The following PXT1 variants were observed in gnomAD, a reference collection of about 807,000 sequenced individuals.
PXT1 encodes peroxisomal testis enriched protein 1.
Under a neutral mutation model 11.0 loss-of-function variants are expected in PXT1, and 11 were observed. The ratio of observed to expected loss-of-function variants is 1.00; its 90% confidence interval spans 0.63 to 1.66. PXT1 has a LOEUF of 1.66. PXT1 is among the 40% of genes most tolerant of loss of function. The pLI is 0.00. For synonymous variants in PXT1, 43 were observed against 51.4 expected, an observed-to-expected ratio of 0.84 and a Z score of 0.70; for missense variants, 141 against 155.5, an observed-to-expected ratio of 0.91 and a Z score of 0.49.
chr6:36,429,424 A>G (rs1774656639), intron 2 of PXT1, among the ~76,000 whole-genome samples: 1 of 148,176 alleles, frequency 6.7e-6, no homozygotes, highest in Admixed American at 6.8e-5. Flanking sequence ...TGTCTATTTA[A>G]TAATTACTGG....
At chr6:36,439,647 A>C (rs1167698177) in intron 1 of PXT1, among the ~76,000 whole-genome samples, 1 of 130,620 alleles carries the variant, frequency 7.7e-6, no homozygotes, top group East Asian at 2.3e-4. Flanking sequence ...TAAGGCTGAA[A>C]AAAAAAAAAA....
intron 3 of PXT1, among the ~76,000 whole-genome samples, chr6:36,412,765 C>T (rs6457913): frequency 0.47 from 70,904 of 151,594 alleles, 17,084 homozygotes; most frequent in Middle Eastern, 0.58. Context: ...CTGGCCTGTT[C>T]AGAGAGAGAT....
chr6:36,391,910 T>G (rs1262354724), intron 4 of PXT1, 36 bp from the exon 5 acceptor site: 2 of 1,228,140 alleles, frequency 1.6e-6, no homozygotes, highest in South Asian at 1.3e-5. Context: ...GAAAGGTTTT[T>G]TTTTTTTTTT....
chr6:36,403,632 G>A (rs1033002511), intron 3 of PXT1, among the ~76,000 whole-genome samples: 29 of 152,132 alleles, frequency 1.9e-4, no homozygotes, highest in African/African-American at 6.8e-4. Flanking sequence ...CCAGCACTTC[G>A]GGAGGCCAAG....
At position 36,429,748 on chromosome 6, in the gene PXT1, A is replaced by G. The variant is rs1582271143; in HGVS notation, c.-9-3657T>C. Among the ~76,000 whole-genome samples the G allele has an allele frequency of 3.3e-5, 5 of 149,666 alleles. No homozygotes were observed. In the South Asian group the frequency reaches 1.1e-3, roughly 32 times the overall value. On this transcript the variant is annotated intron_variant, in intron 2 of 4. Transcript: ENST00000454782. ...TCGAACTCCTGACCTCAAGTGATCC[A>G]CCCACCTCGGCCTCCCAAAGGGCTG...
chr6:36,426,625 C>T (rs1006973671), intron 2 of PXT1, among the ~76,000 whole-genome samples: 4 of 152,146 alleles, frequency 2.6e-5, no homozygotes, highest in African/African-American at 4.8e-5. Flanking sequence ...CTGCCTCAGC[C>T]TCCCAAAGTG....
intron 2 of PXT1, among the ~76,000 whole-genome samples, chr6:36,432,716 C>T (rs755956187): frequency 6.6e-6 from 1 of 152,136 alleles, no homozygotes; most frequent in Non-Finnish European, 1.5e-5. Flanking sequence ...TCTCCCAGAG[C>T]CCCACCCTAT....
intron 3 of PXT1, among the ~76,000 whole-genome samples, chr6:36,420,445 T>C (rs1774508056): frequency 6.6e-6 from 1 of 152,182 alleles, no homozygotes; most frequent in Non-Finnish European, 1.5e-5. Flanking sequence ...ATATGATACT[T>C]TTCATCCAAA....
chr6:36,402,409 A>T (rs899053882), intron 3 of PXT1, among the ~76,000 whole-genome samples: 13 of 152,222 alleles, frequency 8.5e-5, no homozygotes, highest in Admixed American at 7.2e-4. Flanking sequence ...AACCTATTTC[A>T]TTTCAATAAA....
intron 3 of PXT1, among the ~76,000 whole-genome samples, chr6:36,425,345 G>A (rs755588591): frequency 2.0e-5 from 3 of 151,976 alleles, no homozygotes; most frequent in Non-Finnish European, 2.9e-5. Flanking sequence ...AGCCCATTTG[G>A]GATTACCTTA....
At chr6:36,393,575 C>T (rs1249145522) in intron 4 of PXT1, 1 of 152,134 alleles carries the variant, frequency 6.6e-6, no homozygotes. Flanking sequence ...ACTAAAAATA[C>T]AAAAATAGCC....
In PXT1 at chr6:36,400,473, T is replaced by G. The variant is rs1421998600; in HGVS notation, c.281A>C (p.Asp94Ala). 22 of 1,613,764 alleles carry G rather than the reference T, an allele frequency of 1.4e-5. No homozygotes were observed. In the East Asian group the frequency reaches 4.9e-4, roughly 36 times the overall value. The change falls in exon 4 of 5, where the codon GAT (aspartate) becomes GCT (alanine). Residue 94 changes from aspartate to alanine, a missense_variant. Coordinates refer to ENST00000454782, the MANE Select transcript of PXT1 (RefSeq NM_152990.4). ...MQLRHIGDNI[D>A]HRMVREDLQQ... Reference sequence around the variant, plus strand: ...CCTCACCTCTCGAACCATCCTATGATCAATGTTGTCCCCAATGTGTCTCAG... The same window carrying G: ...CCTCACCTCTCGAACCATCCTATGAGCAATGTTGTCCCCAATGTGTCTCAG...
intron 3 of PXT1, among the ~76,000 whole-genome samples, chr6:36,406,473 G>A (rs988172512): frequency 6.6e-6 from 1 of 152,122 alleles, no homozygotes; most frequent in Admixed American, 6.6e-5. Context: ...AAGGACAGGG[G>A]ATGTTGGCTA....
At chr6:36,423,882 T>C (rs1235896739) in intron 3 of PXT1, among the ~76,000 whole-genome samples, 1 of 152,218 alleles carries the variant, frequency 6.6e-6, no homozygotes, top group East Asian at 1.9e-4. Flanking sequence ...AGATTTGACA[T>C]ATAACTCGCG....
At chr6:36,414,633 C>T (rs919317370) in intron 3 of PXT1, among the ~76,000 whole-genome samples, 4 of 152,136 alleles carry the variant, frequency 2.6e-5, no homozygotes, top group African/African-American at 9.7e-5. Flanking sequence ...GTAGCCACCA[C>T]CCCTAAGTCC....
chr6:36,442,504 AT>A (rs1561937631), intron 1 of PXT1, 30 bp downstream of exon 1: 4 of 152,220 alleles, frequency 2.6e-5, no homozygotes, highest in Non-Finnish European at 5.9e-5. Flanking sequence ...TTGATTTAAA[AT>A]TTGTAATACA....
rs542634326 is a variant in PXT1 at position 36,437,763 on chromosome 6, T to G, written c.-10+1004A>C. ...GATCTCCTGACCTTGTGATCTGCCC[T>G]CCTCAGCCTCCCAATGTGCTGGGAT... is the stretch of plus-strand genomic sequence containing the variant. On this transcript the variant is annotated intron_variant, in intron 2 of 4. Transcript: ENST00000454782. Among the ~76,000 whole-genome samples the G allele has an allele frequency of 3.5e-3, 509 of 147,352 alleles. 2 individuals carry two copies. The highest frequency in any genetic ancestry group is 0.012 in the African/African-American group (482 of 40,054).
In PXT1 at chr6:36,400,469, A is replaced by G. The variant is rs753829663; in HGVS notation, c.285T>C (p.His95=). 6.8e-6 allele frequency: 11 copies of G among 1,613,506 alleles called. No individual in the cohort carries two copies. The highest frequency in any genetic ancestry group is 1.6e-4 in the Middle Eastern group (1 of 6,078). The change falls in exon 4 of 5, where the codon CAT becomes CAC. Residue 95 remains histidine, a synonymous_variant. Transcript: ENST00000454782. ...QLRHIGDNID[H]RMVREDLQQD... ...GAAGCCTCACCTCTCGAACCATCCT[A>G]TGATCAATGTTGTCCCCAATGTGTC...
chr6:36,426,130 C>T lies in PXT1; in HGVS notation c.-9-39G>A, dbSNP rs758340993. On this transcript the variant is annotated intron_variant, in intron 2 of 4. Transcript: ENST00000454782. The stretch of plus-strand genomic sequence containing the variant: ...TATTTTCAGAGGCTTTCCCCCATTT[C>T]TCAGTAAATATTTGGTATTTTAGAT... 4 of 1,240,226 alleles carry T rather than the reference C, an allele frequency of 3.2e-6. No homozygotes were observed. In the African/African-American group the frequency reaches 6.2e-5, roughly 19 times the overall value. The allele number at this position is 1,240,226 out of a possible 1,614,324, so 76.8% of individuals were successfully genotyped here.
Sources: allele counts gnomAD v4.1 joint callset (sites outside exome capture counted in the v4.1 genomes callset), GRCh38; gene constraint gnomAD v4.1.1; transcripts MANE v1.5; gene names NCBI Gene and HGNC (gene_info 2026-07-23, HGNC 2026-07-21).